The following DLGAP4 variants were observed in gnomAD, a reference collection of about 807,000 sequenced individuals.
The protein encoded by DLGAP4 is disks large-associated protein 4.
Under a neutral mutation model 86.9 loss-of-function variants are expected in DLGAP4, and 18 were observed. The ratio of observed to expected loss-of-function variants is 0.21; its 90% CI spans 0.14 to 0.31. The LOEUF (loss-of-function observed/expected upper bound fraction) is 0.31. DLGAP4 is among the 10% of genes least tolerant of loss of function. The pLI is 1.00. For missense variants in DLGAP4, 1,085 were observed against 1,362.6 expected, an observed-to-expected ratio of 0.80 and a Z score of 3.21; for synonymous variants, 548 against 574.3, an observed-to-expected ratio of 0.95 and a Z score of 0.65.
In DLGAP4 at chr20:36,432,532, C is replaced by T. The variant is rs1253467372; in HGVS notation, c.815C>T (p.Ala272Val). 13 of 1,605,974 alleles carry T rather than the reference C, an allele frequency of 8.1e-6. No individual in the cohort carries two copies. Among genetic ancestry groups the T allele is most frequent in the South Asian group, 1.1e-5 (1 of 89,682 alleles). The change falls in exon 3 of 13, where the codon GCA (alanine) becomes GTA (valine). Residue 272 changes from alanine to valine, a missense_variant. This residue lies in a region of DLGAP4 where 1,082 missense variants were observed against 1,344.1 expected (regional missense o/e 0.81). Coordinates refer to ENST00000339266, the MANE Select transcript of DLGAP4 (RefSeq NM_001365621.2). This position sits in a 1 kb window ranked among gnomAD's most constrained non-coding sequence, Gnocchi z 6.5. ...TELTAPPPPP[A>V]PPATCPSLGV... is the part of the protein sequence containing the mutation. ...CTGACTGCCCCACCACCCCCGCCCG[C>T]ACCCCCAGCCACCTGCCCCAGCCTT...
intron 7 of DLGAP4, among the ~76,000 whole-genome samples, chr20:36,493,829 C>G (rs2035770519): frequency 6.6e-6 from 1 of 152,218 alleles, no homozygotes. Flanking sequence ...GTCACGATCT[C>G]CACCTCACAG....
chr20:36,376,779 G>A (rs532960544), intron 2 of DLGAP4, among the ~76,000 whole-genome samples: 121 of 152,276 alleles, frequency 7.9e-4, no homozygotes, highest in Non-Finnish European at 1.3e-3. Context: ...AGGCCTCCAG[G>A]GTCCCGCGTC....
intron 2 of DLGAP4, among the ~76,000 whole-genome samples, chr20:36,424,243 T>C (rs991538621): frequency 4.6e-5 from 7 of 152,164 alleles, no homozygotes; most frequent in Non-Finnish European, 7.4e-5. Context: ...GCGAATCCCA[T>C]AGGGAGCTCT....
At position 36,438,621 on chromosome 20, in the gene DLGAP4, C is replaced by T. The variant is rs541524717; in HGVS notation, c.1242-1133C>T. ...TGCCCAGAGTGGTGGTGAACTCCTC[C>T]GCTCAAGTGACCCTTCTGCTTTGGC... On this transcript the variant is annotated intron_variant, in intron 4 of 12. Coordinates refer to ENST00000339266, the MANE Select transcript of DLGAP4 (RefSeq NM_001365621.2). 1.5e-4 allele frequency among the ~76,000 whole-genome samples: 23 copies of T among 150,914 alleles called. No individual in the cohort carries two copies. The East Asian group carries it at 3.7e-3, about 24-fold the overall frequency.
intron 1 of DLGAP4, among the ~76,000 whole-genome samples, chr20:36,354,231 T>C (rs2030255229): frequency 6.6e-6 from 1 of 152,126 alleles, no homozygotes; most frequent in South Asian, 2.1e-4. Context: ...GCATTCCCAA[T>C]GTCCTGATTG....
intron 2 of DLGAP4, among the ~76,000 whole-genome samples, chr20:36,372,877 G>A (rs1179959902): frequency 1.3e-5 from 2 of 152,122 alleles, no homozygotes; most frequent in East Asian, 1.9e-4. Context: ...GCGCATTGTT[G>A]GGGAAAAACA....
At chr20:36,312,375 G>A (rs1466991937) in intron 1 of DLGAP4, among the ~76,000 whole-genome samples, 6 of 148,042 alleles carry the variant, frequency 4.1e-5, no homozygotes, top group Admixed American at 6.6e-5. Context: ...GCGAACACAC[G>A]CACACACACA....
chr20:36,459,067 G>A (rs994120882), intron 7 of DLGAP4, among the ~76,000 whole-genome samples: 4 of 152,200 alleles, frequency 2.6e-5, no homozygotes, highest in Non-Finnish European at 4.4e-5. Flanking sequence ...TTCACCCCCC[G>A]GATGGGGAGC....
intron 1 of DLGAP4, among the ~76,000 whole-genome samples, chr20:36,316,828 G>A (rs2065105183): frequency 1.3e-5 from 2 of 152,142 alleles, no homozygotes; most frequent in African/African-American, 2.4e-5. Context: ...CTCCTCCCCA[G>A]CCTCTTCTCT....
intron 2 of DLGAP4, among the ~76,000 whole-genome samples, chr20:36,389,660 A>C (rs2031721290): frequency 6.6e-6 from 1 of 152,206 alleles, no homozygotes; most frequent in Admixed American, 6.5e-5. Context: ...TAAGAAAAAT[A>C]AATAAGAGAA....
chr20:36,447,617 C>T (rs1190048771), intron 7 of DLGAP4, among the ~76,000 whole-genome samples: 3 of 152,068 alleles, frequency 2.0e-5, no homozygotes, highest in Non-Finnish European at 2.9e-5. Context: ...GATGGGATTT[C>T]ACCATGTTGG....
intron 2 of DLGAP4, among the ~76,000 whole-genome samples, chr20:36,376,087 C>G (rs1478725507): frequency 6.6e-6 from 1 of 152,058 alleles, no homozygotes; most frequent in Non-Finnish European, 1.5e-5. Context: ...CAGCCTCTAA[C>G]TCCTGGGCTC....
In DLGAP4 at chr20:36,350,005, G is replaced by C. The variant is rs999329649; in HGVS notation, c.-303-17040G>C. On this transcript the variant is annotated intron_variant, in intron 1 of 12. Transcript: ENST00000339266. This position sits in a 1 kb window ranked among gnomAD's most constrained non-coding sequence, Gnocchi z 4.4. ...CATCAGGCACAGCTGTGCTGATGCC[G>C]GCCCCTCATCCCCACAGGCTCCCAA... Among the ~76,000 whole-genome samples, 1 of 152,088 alleles carries C rather than the reference G, an allele frequency of 6.6e-6. No homozygotes were observed. Among genetic ancestry groups the C allele is most frequent in the Non-Finnish European group, 1.5e-5 (1 of 68,012 alleles).
At chr20:36,329,713 A>G (rs879967436) in intron 1 of DLGAP4, among the ~76,000 whole-genome samples, 1 of 152,144 alleles carries the variant, frequency 6.6e-6, no homozygotes, top group Admixed American at 6.5e-5. Context: ...CCTGGCCAAC[A>G]TGGTGAAACC....
intron 2 of DLGAP4, among the ~76,000 whole-genome samples, chr20:36,426,107 A>G (rs1167331659): frequency 6.6e-6 from 1 of 152,242 alleles, no homozygotes; most frequent in Non-Finnish European, 1.5e-5. Flanking sequence ...AACTTAGAAA[A>G]CAAACATTAT....
intron 3 of DLGAP4, among the ~76,000 whole-genome samples, chr20:36,435,793 C>T (rs2033257418): frequency 1.3e-5 from 2 of 152,156 alleles, no homozygotes; most frequent in Non-Finnish European, 1.5e-5. Context: ...TGAGAGTCCA[C>T]GTGAAGTGAC....
chr20:36,462,384 C>CGCCGTATCATTAAACAAT, intron 7 of DLGAP4: 1 of 1,355,170 alleles, frequency 7.4e-7, no homozygotes, highest in Non-Finnish European at 9.4e-7. Flanking sequence ...TCTCGGTGGT[C>CGCCGTATCATTAAACAAT]TCGCCACTCT....
chr20:36,461,624 G>A, intron 7 of DLGAP4: 1 of 932,710 alleles, frequency 1.1e-6, no homozygotes, highest in Non-Finnish European at 1.3e-6. Context: ...AGCGCCGCCC[G>A]GAGCAGCCGC....
intron 1 of DLGAP4, among the ~76,000 whole-genome samples, chr20:36,339,253 A>T (rs1348763396): frequency 4.0e-5 from 6 of 151,478 alleles, no homozygotes; most frequent in Admixed American, 3.3e-4. Context: ...ATGCCTGGCT[A>T]ATTTTTGTAT....
Sources: gnomAD v4.1 joint callset for allele counts (sites outside exome capture counted in the v4.1 genomes callset) on GRCh38, gnomAD v4.1.1 for gene constraint, gnomAD v4.1.1 regional missense constraint, Gnocchi (gnomAD v3.1) non-coding constraint, MANE v1.5 for transcripts, NCBI Gene and HGNC (gene_info 2026-07-23, HGNC 2026-07-21) for gene names.